The following CA10 variants were observed in gnomAD, a reference collection of about 807,000 sequenced individuals.
The protein encoded by CA10 is carbonic anhydrase-related protein 10.
CA10 carries 14 observed loss-of-function variants against 44.2 expected under a neutral mutation model. That is an observed-to-expected ratio of 0.32 (90% CI 0.21 to 0.50). The LOEUF is 0.50. Ranked by LOEUF, CA10 falls within the 20% of genes least tolerant of loss-of-function variation. The pLI, the probability that CA10 is intolerant of heterozygous loss-of-function variation, is 0.99. For synonymous variants in CA10, 159 were observed against 141.6 expected (o/e 1.12, Z -0.87); for missense variants, 350 against 409.7 (o/e 0.85, Z 1.26).
intron 4 of CA10, among the ~76,000 whole-genome samples, chr17:51,699,590 C>T (rs1480350716): frequency 1.3e-5 from 2 of 152,268 alleles, no homozygotes; most frequent in African/African-American, 4.8e-5. Flanking sequence ...AAAAAACAGT[C>T]ATCATTTTTA....
At chr17:52,028,935 G>A (rs1328838769) in intron 2 of CA10, among the ~76,000 whole-genome samples, 1 of 152,118 alleles carries the variant, frequency 6.6e-6, no homozygotes, top group Admixed American at 6.6e-5. Flanking sequence ...TTCCCAACTT[G>A]TGGCCTGGAG....
intron 2 of CA10, among the ~76,000 whole-genome samples, chr17:52,052,302 A>ATTTT (rs1567716539): frequency 4.0e-5 from 3 of 74,936 alleles, no homozygotes; most frequent in Non-Finnish European, 5.3e-5. Flanking sequence ...TTTTTTTTAA[A>ATTTT]AAAAAAAAAA....
At chr17:52,048,358 G>GT (rs1824484087) in intron 2 of CA10, among the ~76,000 whole-genome samples, 1 of 152,002 alleles carries the variant, frequency 6.6e-6, no homozygotes, top group Admixed American at 6.6e-5. Context: ...TCTTGCATCT[G>GT]TTTATCAAGT....
chr17:51,978,077 T>C (rs1354957453), intron 2 of CA10, among the ~76,000 whole-genome samples: 2 of 152,122 alleles, frequency 1.3e-5, no homozygotes, highest in African/African-American at 2.4e-5. Flanking sequence ...GGCTCAGTAT[T>C]AATAAAAAGT....
At chr17:51,789,179 C>G (rs975635429) in intron 3 of CA10, among the ~76,000 whole-genome samples, 2 of 152,074 alleles carry the variant, frequency 1.3e-5, no homozygotes, top group African/African-American at 4.8e-5. Flanking sequence ...CCACACCTGG[C>G]TAATTTTTGT....
intron 8 of CA10, among the ~76,000 whole-genome samples, chr17:51,633,062 G>C (rs1403675390): frequency 6.6e-6 from 1 of 152,070 alleles, no homozygotes; most frequent in East Asian, 1.9e-4. Context: ...TGTTCTAACA[G>C]ATAACCTTGG....
chr17:52,100,977 C>G (rs1005005518), intron 1 of CA10, among the ~76,000 whole-genome samples: 1 of 152,156 alleles, frequency 6.6e-6, no homozygotes, highest in Non-Finnish European at 1.5e-5. Flanking sequence ...CAGATATTAG[C>G]TAATCCTTTG....
chr17:51,802,498 C>T lies in CA10; in HGVS notation c.280-54680G>A, dbSNP rs117623989. ...CATGGGGAAATTCTTTCCCCTCAGG[C>T]TAGTGCCTTCAGACCGAGTCTAATG... On this transcript the variant is annotated intron_variant, in intron 3 of 8. Transcript: ENST00000451037. 3.1e-3 allele frequency among the ~76,000 whole-genome samples: 453 copies of T among 143,844 alleles called. 4 individuals carry two copies. The highest frequency in any genetic ancestry group is 0.015 in the Middle Eastern group (4 of 274). The allele number at this position is 143,844 out of a possible 152,430, so 94.4% of individuals were successfully genotyped here.
chr17:51,805,969 C>G lies in CA10; in HGVS notation c.280-58151G>C, dbSNP rs369154012. Among the ~76,000 whole-genome samples, 3 of 152,192 alleles carry G rather than the reference C, an allele frequency of 2.0e-5. No individual in the cohort carries two copies. In the South Asian group the frequency reaches 6.2e-4, roughly 31 times the overall value. ...AACAGTGTGTAGAAGAGCCCTCTGG[C>G]AGAGGGCATAGCAAAGGCTAGGGCT... On this transcript the variant is annotated intron_variant, in intron 3 of 8. Coordinates refer to ENST00000451037, the MANE Select transcript of CA10 (RefSeq NM_020178.5).
rs565469056 is a variant in CA10, at chr17:52,104,388, G to A, written c.62-31995C>T. On this transcript the variant is annotated intron_variant, in intron 1 of 8. Coordinates refer to ENST00000451037, the MANE Select transcript of CA10 (RefSeq NM_020178.5). ...CAGCTAATTCTTGCATTTATTTGTGGAGACTGGCTTTCGTCATGTTGCCCA... is the reference window on the plus strand; with the variant it reads ...CAGCTAATTCTTGCATTTATTTGTGAAGACTGGCTTTCGTCATGTTGCCCA... Among the ~76,000 whole-genome samples, 4 of 152,130 alleles carry A rather than the reference G, an allele frequency of 2.6e-5. No homozygotes were observed. In the South Asian group the frequency reaches 8.3e-4, roughly 32 times the overall value.
intron 2 of CA10, among the ~76,000 whole-genome samples, chr17:51,974,111 C>T (rs549188088): frequency 4.6e-5 from 7 of 151,960 alleles, no homozygotes; most frequent in Non-Finnish European, 7.4e-5. Flanking sequence ...ATAGGCTGGG[C>T]GCGGTGGCTC....
In CA10 at chr17:52,065,221, G is replaced by A. The variant is rs1987500900; in HGVS notation, c.136+7098C>T. 1.3e-5 allele frequency among the ~76,000 whole-genome samples: 2 copies of A among 152,156 alleles called. 1 individual carries two copies. Among genetic ancestry groups the A allele is most frequent in the South Asian group, 4.1e-4 (2 of 4,832 alleles). ...CTTAGCTTCTCCTAGATTACACAAGGAGGCTCTCCTTGATCTCCAGACTAT... is the reference window on the plus strand; with the variant it reads ...CTTAGCTTCTCCTAGATTACACAAGAAGGCTCTCCTTGATCTCCAGACTAT... On this transcript the variant is annotated intron_variant, in intron 2 of 8. Coordinates refer to ENST00000451037, the MANE Select transcript of CA10 (RefSeq NM_020178.5).
chr17:51,799,142 C>A (rs1280424069), intron 3 of CA10, among the ~76,000 whole-genome samples: 2 of 152,206 alleles, frequency 1.3e-5, no homozygotes, highest in African/African-American at 2.4e-5. Context: ...TTTCTGCTTT[C>A]CCCAATTCAA....
intron 3 of CA10, among the ~76,000 whole-genome samples, chr17:51,748,079 T>C (rs190307747): frequency 9.6e-4 from 146 of 152,346 alleles, no homozygotes; most frequent in Non-Finnish European, 1.7e-3. Context: ...GTGATTAATA[T>C]TTTGTGCATT....
chr17:52,095,201 A>T (rs1376048028), intron 1 of CA10, among the ~76,000 whole-genome samples: 2 of 152,184 alleles, frequency 1.3e-5, no homozygotes, highest in Non-Finnish European at 2.9e-5. Context: ...GAGTGAAAGA[A>T]GCCAGACACA....
intron 4 of CA10, among the ~76,000 whole-genome samples, chr17:51,668,283 A>C (rs1394536080): frequency 2.0e-5 from 3 of 152,208 alleles, no homozygotes; most frequent in Non-Finnish European, 4.4e-5. Context: ...TTTCAAGAAG[A>C]GACTCAGTCT....
intron 3 of CA10, among the ~76,000 whole-genome samples, chr17:51,877,892 C>T (rs1365463217): frequency 6.6e-6 from 1 of 151,924 alleles, no homozygotes; most frequent in Non-Finnish European, 1.5e-5. Context: ...CACCTGTAAT[C>T]CCAGCACTTT....
intron 1 of CA10, among the ~76,000 whole-genome samples, chr17:52,115,698 G>T (rs897297036): frequency 1.3e-5 from 2 of 152,204 alleles, no homozygotes; most frequent in Non-Finnish European, 2.9e-5. Context: ...GGGGCACATG[G>T]CCCAAGGGCC....
chr17:51,878,607 T>G (rs566445017), intron 3 of CA10, among the ~76,000 whole-genome samples: 18 of 152,016 alleles, frequency 1.2e-4, no homozygotes, highest in Non-Finnish European at 1.8e-4. Flanking sequence ...TTGTGTGAGT[T>G]GGGCTTCCAC....
Sources: gnomAD v4.1 joint callset for allele counts (sites outside exome capture counted in the v4.1 genomes callset) on GRCh38, gnomAD v4.1.1 for gene constraint, MANE v1.5 for transcripts, NCBI Gene and HGNC (gene_info 2026-07-23, HGNC 2026-07-21) for gene names.